Variants in SCNN1G observed in about 807,000 individuals in gnomAD.
SCNN1G encodes the protein sodium channel epithelial 1 subunit gamma.
SCNN1G carries 27 observed loss-of-function variants against 64.6 expected under a neutral mutation model. The ratio of observed to expected loss-of-function variants is 0.42; its 90% CI spans 0.31 to 0.58. The LOEUF (loss-of-function observed/expected upper bound fraction) is 0.58, where lower values mean the gene tolerates loss of function less well. SCNN1G is among the 20% of genes least tolerant of loss of function. The pLI is 0.18. For synonymous variants in SCNN1G, 330 were observed against 314.2 expected (o/e 1.05, Z -0.53); for missense variants, 743 against 823.4 (o/e 0.90, Z 1.19).
chr16:23,200,948 C>T (rs1024110715), intron 6 of SCNN1G, among the ~76,000 whole-genome samples: 12 of 152,178 alleles, frequency 7.9e-5, no homozygotes, highest in South Asian at 4.1e-4. Context: ...CTTTCTGGGC[C>T]CCCAGATGCT....
Position 23,215,507 on chromosome 16 carries a change from G to A in SCNN1G, c.*38G>A. The stretch of plus-strand genomic sequence containing the variant: ...AAGACAGATCTAGTCAGGACCACCA[G>A]CCATGGTCTAAGGACATGGATCGGG... On this transcript the variant is annotated 3_prime_UTR_variant, in exon 13 of 13. Transcript: ENST00000300061. 1.9e-6 allele frequency: 3 copies of A among 1,600,962 alleles called. No homozygotes were observed. The highest frequency in any genetic ancestry group is 2.5e-6 in the Non-Finnish European group (3 of 1,179,502).
chr16:23,187,742 CT>C (rs199509716), intron 2 of SCNN1G, among the ~76,000 whole-genome samples: 1,998 of 152,300 alleles, frequency 0.013, 44 homozygotes, highest in Admixed American at 0.063. Context: ...GCCCTTGGGA[CT>C]GCCCTATCAT....
In SCNN1G at chr16:23,186,367, C is replaced by G; in HGVS notation, c.96C>G (p.Tyr32Ter). The change falls in exon 2 of 13, where the codon TAC (tyrosine) becomes TAG (stop). Residue 32 changes from tyrosine (Y) to a stop codon, truncating the protein, a stop_gained. Transcript: ENST00000300061. LOFTEE classifies it high-confidence loss of function. ...CCATTAAAGAGCTGATGCGGTGGTA[C>G]TGCCTCAACACCAACACCCATGGCT... ...APTIKELMRW[Y>*]CLNTNTHGCR... 1 of 1,614,254 alleles carries G rather than the reference C, an allele frequency of 6.2e-7. No individual in the cohort carries two copies. The highest frequency in any genetic ancestry group is 8.5e-7 in the Non-Finnish European group (1 of 1,180,032).
chr16:23,211,982 C>T (rs1960086676), intron 7 of SCNN1G, 52 bp from the exon 8 acceptor site: 1 of 1,334,410 alleles, frequency 7.5e-7, no homozygotes, highest in Non-Finnish European at 1.1e-6. Flanking sequence ...AGGAAACTCC[C>T]TGACATCCCT....
rs762223423 is a variant in SCNN1G, at chr16:23,189,473, G to A, written c.420G>A (p.Ala140=). Residue 140 remains alanine (A), a synonymous_variant, in exon 3 of 13, where the codon GCG becomes GCA. Coordinates refer to ENST00000300061, the MANE Select transcript of SCNN1G (RefSeq NM_001039.4). ...GFPESRKRRE[A]ESWNSVSEGK... The stretch of plus-strand genomic sequence containing the variant: ...CAGAGTCCCGGAAGCGCCGAGAGGC[G>A]GAGTCCTGGAACTCCGTCTCAGAGG... The A allele has an allele frequency of 1.9e-5, 31 of 1,614,070 alleles. No individual in the cohort carries two copies. Among genetic ancestry groups the A allele is most frequent in the Middle Eastern group, 3.3e-4 (2 of 6,082 alleles).
At chr16:23,200,104 C>A (rs1959865056) in intron 6 of SCNN1G, among the ~76,000 whole-genome samples, 1 of 152,088 alleles carries the variant, frequency 6.6e-6, no homozygotes, top group Non-Finnish European at 1.5e-5. Flanking sequence ...AGCTTTTATC[C>A]TTCACAAACA....
chr16:23,183,852 T>G (rs564041557), intron 1 of SCNN1G, among the ~76,000 whole-genome samples: 1 of 152,310 alleles, frequency 6.6e-6, no homozygotes, highest in Non-Finnish European at 1.5e-5. Flanking sequence ...TAGTTAGTCG[T>G]TAAAGGGACT....
intron 5 of SCNN1G, among the ~76,000 whole-genome samples, chr16:23,195,332 C>A (rs1016229915): frequency 6.6e-6 from 1 of 152,194 alleles, no homozygotes; most frequent in Non-Finnish European, 1.5e-5. Flanking sequence ...CAAAATAATA[C>A]CACTGCAATT....
intron 12 of SCNN1G, 139 bp from the exon 13 acceptor site, chr16:23,214,950 C>T (rs1878072358): frequency 8.5e-7 from 1 of 1,171,160 alleles, no homozygotes; most frequent in African/African-American, 1.5e-5. Context: ...TAAGAGGAAA[C>T]AGGAAGGCTG....
chr16:23,215,762 T>A lies in SCNN1G; in HGVS notation c.*293T>A. 1 of 496,568 alleles carries A rather than the reference T, an allele frequency of 2.0e-6. No individual in the cohort carries two copies. The highest frequency in any genetic ancestry group is 3.7e-6 in the Non-Finnish European group (1 of 271,764). 30.8% of individuals were successfully genotyped at this position (496,568 alleles called of 1,614,324 possible). ...GCCGAGGCAGTGGTGCTGGCCCAAGTGAAGGCCAGAGTGAGGACTGATGCA... is the reference window on the plus strand; with the variant it reads ...GCCGAGGCAGTGGTGCTGGCCCAAGAGAAGGCCAGAGTGAGGACTGATGCA... On this transcript the variant is annotated 3_prime_UTR_variant, in exon 13 of 13. Coordinates refer to ENST00000300061, the MANE Select transcript of SCNN1G (RefSeq NM_001039.4).
At position 23,190,067 on chromosome 16, in the gene SCNN1G, TA is replaced by T. The variant is rs35779418; in HGVS notation, c.618+406del. ...CCTGAGTGACAGAATGAGACTCTGTTAAAAAAAAAAGGGGAGAGTTGGGGGG... is the reference window on the plus strand; with the variant it reads ...CCTGAGTGACAGAATGAGACTCTGTTAAAAAAAAAGGGGAGAGTTGGGGGG... On this transcript the variant is annotated intron_variant, in intron 3 of 12. Coordinates refer to ENST00000300061, the MANE Select transcript of SCNN1G (RefSeq NM_001039.4). Among the ~76,000 whole-genome samples the T allele has an allele frequency of 2.1e-3, 304 of 146,282 alleles. 1 individual carries two copies. Among genetic ancestry groups the T allele is most frequent in the African/African-American group, 5.7e-3 (228 of 39,710 alleles).
intron 1 of SCNN1G, among the ~76,000 whole-genome samples, chr16:23,184,725 C>A (rs1444001162): frequency 6.7e-6 from 1 of 149,902 alleles, no homozygotes; most frequent in African/African-American, 2.4e-5. Flanking sequence ...AATTTTAGCC[C>A]ATATTTCATG....
intron 5 of SCNN1G, 149 bp downstream of exon 5, chr16:23,194,423 T>G: frequency 1.5e-6 from 1 of 678,864 alleles, no homozygotes; most frequent in Non-Finnish European, 2.7e-6. Context: ...TATCAGTGTT[T>G]CCATCAGTGT....
intron 2 of SCNN1G, 131 bp from the exon 3 acceptor site, chr16:23,189,240 C>A: frequency 4.3e-6 from 4 of 937,132 alleles, no homozygotes; most frequent in Non-Finnish European, 6.8e-6. Flanking sequence ...AAGGCGTGGT[C>A]TCCTCTGCCA....
intron 2 of SCNN1G, among the ~76,000 whole-genome samples, chr16:23,188,301 G>A (rs969357071): frequency 2.0e-5 from 3 of 152,142 alleles, no homozygotes; most frequent in African/African-American, 4.8e-5. Context: ...TTGAGGCCAG[G>A]AATTCGAGAC....
In SCNN1G at chr16:23,186,532, C is replaced by T; in HGVS notation, c.261C>T (p.Val87=). The change falls in exon 2 of 13, where the codon GTC becomes GTT. Residue 87 remains valine (V), a synonymous_variant. Transcript: ENST00000300061. ...ATACTGTCTCAGTTTCCATCAAAGT[C>T]CACTTCCGGAAGCTGGATTTTCCTG... The part of the protein sequence containing the change: ...SFYTVSVSIK[V]HFRKLDFPAV... 1 of 1,613,940 alleles carries T rather than the reference C, an allele frequency of 6.2e-7. No individual in the cohort carries two copies. The highest frequency in any genetic ancestry group is 8.5e-7 in the Non-Finnish European group (1 of 1,180,034).
At chr16:23,211,031 C>T (rs1235079487) in intron 7 of SCNN1G, among the ~76,000 whole-genome samples, 1 of 146,008 alleles carries the variant, frequency 6.8e-6, no homozygotes, top group African/African-American at 2.6e-5. Context: ...GAACAAGACC[C>T]TGTCTTTAAA....
intron 11 of SCNN1G, among the ~76,000 whole-genome samples, chr16:23,213,459 C>A (rs549737576): frequency 1.3e-5 from 2 of 152,224 alleles, no homozygotes; most frequent in South Asian, 4.1e-4. Context: ...ACCATATTGG[C>A]CAGGCTGGTC....
chr16:23,208,525 G>T (rs1428664747), intron 6 of SCNN1G, among the ~76,000 whole-genome samples: 5 of 151,912 alleles, frequency 3.3e-5, no homozygotes, highest in Non-Finnish European at 5.9e-5. Context: ...AAGGCAATGG[G>T]TCCTTCACCT....
Sources: allele counts gnomAD v4.1 joint callset (sites outside exome capture counted in the v4.1 genomes callset), GRCh38; gene constraint gnomAD v4.1.1; transcripts MANE v1.5; gene names NCBI Gene and HGNC (gene_info 2026-07-23, HGNC 2026-07-21).